The following PTPN2 variants were observed in gnomAD, a reference collection of about 807,000 sequenced individuals.
PTPN2 encodes the protein tyrosine-protein phosphatase non-receptor type 2.
In PTPN2, 19 loss-of-function variants were observed where a neutral mutation model predicts 57.3. The ratio of observed to expected loss-of-function variants is 0.33; its 90% confidence interval spans 0.23 to 0.49. The LOEUF (loss-of-function observed/expected upper bound fraction) is 0.49, where lower values mean the gene tolerates loss of function less well. Ranked by LOEUF, PTPN2 falls within the 20% of genes least tolerant of loss-of-function variation. The pLI, the probability that PTPN2 is intolerant of heterozygous loss-of-function variation, is 0.99. For synonymous variants in PTPN2, 153 were observed against 164.9 expected (o/e 0.93, Z 0.55); for missense variants, 358 against 501.1 (o/e 0.71, Z 2.73).
At chr18:12,820,417 T>TA (rs1334580583) in intron 5 of PTPN2, among the ~76,000 whole-genome samples, 1 of 152,032 alleles carries the variant, frequency 6.6e-6, no homozygotes, top group Admixed American at 6.6e-5. Context: ...ACTACTCTGG[T>TA]ATAGAAACAT....
chr18:12,848,559 G>A (rs1198250471), intron 2 of PTPN2, among the ~76,000 whole-genome samples: 2 of 152,240 alleles, frequency 1.3e-5, no homozygotes, highest in Non-Finnish European at 2.9e-5. Flanking sequence ...AAACTCAGTT[G>A]CCTTGTGATA....
At chr18:12,868,162 C>G (rs1568165735) in intron 1 of PTPN2, among the ~76,000 whole-genome samples, 2 of 152,198 alleles carry the variant, frequency 1.3e-5, no homozygotes, top group Non-Finnish European at 2.9e-5. Flanking sequence ...CAGAAAACAA[C>G]AACAAAAGCT....
intron 4 of PTPN2, among the ~76,000 whole-genome samples, chr18:12,829,266 A>G (rs1313447389): frequency 6.6e-6 from 1 of 152,094 alleles, no homozygotes. Context: ...CTGTAATCCC[A>G]GCACTTTGGG....
rs2040829171 is a variant in PTPN2, at chr18:12,785,655, G to A, written c.*168C>T. On this transcript the variant is annotated 3_prime_UTR_variant, in exon 10 of 10. Coordinates refer to the PTPN2 transcript ENST00000327283. ...GGTTCTGCAAAGTCTTCTGCTGGTG[G>A]GTGCTCTTCATCCCCTGGATGTAAA... 4.5e-6 allele frequency: 3 copies of A among 666,966 alleles called. No individual in the cohort carries two copies. In the South Asian group the frequency reaches 5.0e-5, roughly 11 times the overall value. The allele number at this position is 666,966 out of a possible 1,614,324, so 41.3% of individuals were successfully genotyped here.
chr18:12,825,638 G>A (rs1462515282), intron 5 of PTPN2, among the ~76,000 whole-genome samples, 172 bp downstream of exon 5: 3 of 151,784 alleles, frequency 2.0e-5, no homozygotes, highest in African/African-American at 7.3e-5. Flanking sequence ...TTTCTTCAGA[G>A]TCCTCAGAAA....
At chr18:12,808,161 T>C (rs984020069) in intron 7 of PTPN2, among the ~76,000 whole-genome samples, 1 of 151,968 alleles carries the variant, frequency 6.6e-6, no homozygotes, top group African/African-American at 2.4e-5. Context: ...TACACCAGCA[T>C]GAACAAGAGA....
At chr18:12,851,100 T>C (rs1466847342) in intron 2 of PTPN2, among the ~76,000 whole-genome samples, 1 of 152,208 alleles carries the variant, frequency 6.6e-6, no homozygotes, top group Non-Finnish European at 1.5e-5. Flanking sequence ...TTTTTACAAA[T>C]AGACCATGTC....
In PTPN2 at chr18:12,883,787, G is replaced by A. The variant is rs914312882; in HGVS notation, c.69+286C>T. ...CGCGCAACGCTGGTGGCGCATCCAC[G>A]CGCTCCCCAAGAAGCCGCTGTGGCA... On this transcript the variant is annotated intron_variant, in intron 1 of 8. Coordinates refer to ENST00000309660, the MANE Select transcript of PTPN2 (RefSeq NM_002828.4). The A allele has an allele frequency of 3.8e-4, 112 of 298,240 alleles. 1 individual carries two copies. Among genetic ancestry groups the A allele is most frequent in the Non-Finnish European group, 2.8e-4 (45 of 160,562 alleles). The allele number at this position is 298,240 out of a possible 1,614,324, so 18.5% of individuals were successfully genotyped here.
intron 1 of PTPN2, chr18:12,869,065 G>T (rs4797706): frequency 0.043 from 6,483 of 152,332 alleles, 174 homozygotes; most frequent in East Asian, 0.13. Context: ...CAGGAGAATC[G>T]CTTGAACTCC....
intron 7 of PTPN2, among the ~76,000 whole-genome samples, chr18:12,809,751 TACTCTTGTGCAA>T (rs1209982188): frequency 6.6e-6 from 1 of 152,270 alleles, no homozygotes; most frequent in Non-Finnish European, 1.5e-5. Context: ...TCCCTGGAGT[TACTCTTGTGCAA>T]TATGGTACTG....
At chr18:12,880,032 C>T (rs142933711) in intron 1 of PTPN2, among the ~76,000 whole-genome samples, 1 of 152,120 alleles carries the variant, frequency 6.6e-6, no homozygotes, top group Non-Finnish European at 1.5e-5. Context: ...CATCCAATTC[C>T]CGCTATGAAA....
chr18:12,876,597 C>T (rs1292072915), intron 1 of PTPN2, among the ~76,000 whole-genome samples: 1 of 152,202 alleles, frequency 6.6e-6, no homozygotes, highest in Non-Finnish European at 1.5e-5. Flanking sequence ...ATGTCAAAGG[C>T]AAAACAATAT....
At position 12,870,510 on chromosome 18, in the gene PTPN2, G is replaced by GTT. The variant is rs397953218; in HGVS notation, c.70-11258_70-11257dup. On this transcript the variant is annotated intron_variant, in intron 1 of 8. Coordinates refer to ENST00000309660, the MANE Select transcript of PTPN2 (RefSeq NM_002828.4). ...AGAGAGAGAGAGAGAAAAGCGTGTT[G>GTT]TTTTTTTTTTTTTTTTGAGACAGAG... Among the ~76,000 whole-genome samples the GTT allele has an allele frequency of 9.7e-4, 53 of 54,410 alleles. 5 individuals carry two copies. Among genetic ancestry groups the GTT allele is most frequent in the East Asian group, 7.1e-3 (7 of 986 alleles). The allele number at this position is 54,410 out of a possible 152,430, so 35.7% of individuals were successfully genotyped here.
intron 1 of PTPN2, among the ~76,000 whole-genome samples, chr18:12,877,206 G>A (rs761691764): frequency 3.3e-5 from 5 of 152,092 alleles, no homozygotes; most frequent in South Asian, 2.1e-4. Context: ...TTCAGGTCCC[G>A]TAGGTAGGTG....
chr18:12,875,859 G>C (rs1448116570), intron 1 of PTPN2, among the ~76,000 whole-genome samples: 1 of 152,180 alleles, frequency 6.6e-6, no homozygotes, highest in African/African-American at 2.4e-5. Context: ...AGCTGTAACA[G>C]TTCTCCAACT....
At chr18:12,791,243 T>A (rs2040976426), downstream of PTPN2, among the ~76,000 whole-genome samples, 1 of 152,168 alleles carries the variant, frequency 6.6e-6, no homozygotes, top group Admixed American at 6.5e-5. Context: ...TTGCTGTCAA[T>A]CTATTAGCAG....
chr18:12,830,793 T>C, intron 4 of PTPN2, 150 bp downstream of exon 4: 1 of 519,408 alleles, frequency 1.9e-6, no homozygotes, highest in Non-Finnish European at 3.5e-6. Context: ...AAAGGATACA[T>C]GAGTTTTTCC....
At chr18:12,864,455 G>C (rs568182616) in intron 1 of PTPN2, among the ~76,000 whole-genome samples, 5 of 151,998 alleles carry the variant, frequency 3.3e-5, no homozygotes, top group African/African-American at 1.2e-4. Context: ...GGGTGCAGTG[G>C]TGCAATCTCG....
chr18:12,849,145 C>A (rs1362911702), intron 2 of PTPN2, among the ~76,000 whole-genome samples: 1 of 152,138 alleles, frequency 6.6e-6, no homozygotes, highest in African/African-American at 2.4e-5. Context: ...CTTAGAAGTT[C>A]CCTTCTATTT....
Sources: gnomAD v4.1 joint callset for allele counts (sites outside exome capture counted in the v4.1 genomes callset) on GRCh38, gnomAD v4.1.1 for gene constraint, MANE v1.5 for transcripts, NCBI Gene and HGNC (gene_info 2026-07-23, HGNC 2026-07-21) for gene names.